MYCBP2: variants seen among roughly 807,000 people sequenced by gnomAD.
The protein encoded by MYCBP2 is MYC binding protein 2.
In MYCBP2, 120 loss-of-function variants were observed where a neutral mutation model predicts 525.3. The ratio of observed to expected loss-of-function variants is 0.23; its 90% CI spans 0.20 to 0.27. MYCBP2 has a LOEUF of 0.27. MYCBP2 is among the 10% of genes least tolerant of loss of function. The probability of loss-of-function intolerance (pLI) is 1.00; values close to 1 mark genes in which losing one functional copy is unlikely to be tolerated. For missense variants in MYCBP2, 4,149 were observed against 5,657.1 expected (o/e 0.73, Z 8.55); for synonymous variants, 1,894 against 1,955.8 (o/e 0.97, Z 0.83).
intron 3 of MYCBP2, among the ~76,000 whole-genome samples, chr13:77,287,788 T>C (rs1042977181): frequency 2.6e-5 from 4 of 152,150 alleles, no homozygotes; most frequent in African/African-American, 9.7e-5. Context: ...GGCTTTCTCT[T>C]GTGCCCACCT....
Position 77,095,422 on chromosome 13 carries a change from T to C in MYCBP2, c.10135A>G (p.Lys3379Glu). ...KPFQSQLPSV[K>E]EGISEDLPVK... ...GGAAGATCCTCAGAAATGCCTTCTT[T>C]TACACTGGGCAACTGAGATTGGAAT... The change falls in exon 58 of 83, where the codon AAA (lysine) becomes GAA (glutamate). Residue 3379 changes from lysine to glutamate, a missense_variant. This residue lies in a region of MYCBP2 where 509 missense variants were observed against 789.4 expected (regional missense o/e 0.64). Coordinates refer to ENST00000544440, the MANE Select transcript of MYCBP2 (RefSeq NM_015057.5). 6.2e-7 allele frequency: 1 copy of C among 1,613,566 alleles called. No individual in the cohort carries two copies.
intron 68 of MYCBP2, among the ~76,000 whole-genome samples, chr13:77,074,523 T>C (rs551943512): frequency 6.6e-6 from 1 of 152,266 alleles, no homozygotes; most frequent in East Asian, 1.9e-4. Flanking sequence ...TGAAAACACA[T>C]AATTGGTAAA....
chr13:77,050,991 G>A lies in MYCBP2; in HGVS notation c.13921+6C>T, dbSNP rs767629646. On this transcript the variant is annotated splice_donor_region_variant and intron_variant, in intron 82 of 82. Coordinates refer to ENST00000544440, the MANE Select transcript of MYCBP2 (RefSeq NM_015057.5). ...TAATCGTGATTTTAAAATATTAAAA[G>A]CATACCTGCAGGACAGTGTGGTAGT... 1.3e-6 allele frequency: 2 copies of A among 1,595,882 alleles called. No individual in the cohort carries two copies. The highest frequency in any genetic ancestry group is 1.7e-6 in the Non-Finnish European group (2 of 1,173,194).
At chr13:77,322,846 C>T (rs1401835133) in intron 1 of MYCBP2, among the ~76,000 whole-genome samples, 1 of 152,174 alleles carries the variant, frequency 6.6e-6, no homozygotes, top group Admixed American at 6.5e-5. Context: ...CCTGTCCAAC[C>T]CCTTTCCCCA....
chr13:77,324,783 T>C (rs1056861975), intron 1 of MYCBP2, among the ~76,000 whole-genome samples: 2 of 152,170 alleles, frequency 1.3e-5, no homozygotes, highest in East Asian at 1.9e-4. Context: ...ATTACACTAG[T>C]AGTAGGAAGT....
At chr13:77,076,398 G>A (rs577232728) in intron 68 of MYCBP2, among the ~76,000 whole-genome samples, 1 of 152,118 alleles carries the variant, frequency 6.6e-6, no homozygotes, top group African/African-American at 2.4e-5. Context: ...TTCATGAAGA[G>A]GATAAATCGT....
rs1276200310 is a variant in MYCBP2, at chr13:77,044,832, C to T, written c.*546G>A. 1 of 398,274 alleles carries T rather than the reference C, an allele frequency of 2.5e-6. No homozygotes were observed. The highest frequency in any genetic ancestry group is 2.1e-5 in the African/African-American group (1 of 48,500). 24.7% of individuals were successfully genotyped at this position (398,274 alleles called of 1,614,324 possible). On this transcript the variant is annotated 3_prime_UTR_variant, in exon 83 of 83. Coordinates refer to ENST00000544440, the MANE Select transcript of MYCBP2 (RefSeq NM_015057.5). Reference sequence around the variant, plus strand: ...CATTTGTAATTTAGTAATTCTTATACAGGACAAACATTGATATGTTTATAT... The same window carrying T: ...CATTTGTAATTTAGTAATTCTTATATAGGACAAACATTGATATGTTTATAT...
chr13:77,285,808 G>A (rs962533937), intron 3 of MYCBP2, among the ~76,000 whole-genome samples: 3 of 148,650 alleles, frequency 2.0e-5, no homozygotes, highest in Non-Finnish European at 3.0e-5. Flanking sequence ...GAAAGGGAAA[G>A]GCAAAGGAAA....
At chr13:77,321,331 CCTTAA>C (rs1343068930) in intron 1 of MYCBP2, among the ~76,000 whole-genome samples, 1 of 152,096 alleles carries the variant, frequency 6.6e-6, no homozygotes, top group Non-Finnish European at 1.5e-5. Flanking sequence ...GCAGTTTTTG[CCTTAA>C]CTTGTGTTTA....
At chr13:77,273,972 T>C (rs779845601) in intron 4 of MYCBP2, among the ~76,000 whole-genome samples, 1 of 152,208 alleles carries the variant, frequency 6.6e-6, no homozygotes, top group Non-Finnish European at 1.5e-5. Flanking sequence ...TATCAAGTAA[T>C]AGACTACTTG....
chr13:77,117,217 T>G (rs1425215191), intron 55 of MYCBP2, among the ~76,000 whole-genome samples: 1 of 152,202 alleles, frequency 6.6e-6, no homozygotes, highest in African/African-American at 2.4e-5. Context: ...CATGTGACAC[T>G]ATTTTGTTTC....
chr13:77,251,013 T>C (rs1305535340), intron 15 of MYCBP2, 138 bp downstream of exon 15: 1 of 577,610 alleles, frequency 1.7e-6, no homozygotes, highest in South Asian at 2.7e-5. Flanking sequence ...TAATACTTTC[T>C]TGGCCTTTTG....
chr13:77,164,231 T>C (rs1459146973), intron 43 of MYCBP2, among the ~76,000 whole-genome samples: 1 of 152,164 alleles, frequency 6.6e-6, no homozygotes, highest in Non-Finnish European at 1.5e-5. Context: ...AAAGCATGTA[T>C]ATGCATAAAA....
chr13:77,085,274 T>C (rs1175219354), intron 62 of MYCBP2, among the ~76,000 whole-genome samples: 2 of 152,162 alleles, frequency 1.3e-5, no homozygotes, highest in African/African-American at 4.8e-5. Context: ...CTAATTCTTA[T>C]ATACTAGCAA....
At chr13:77,246,281 C>G (rs1337968533) in intron 15 of MYCBP2, among the ~76,000 whole-genome samples, 2 of 152,094 alleles carry the variant, frequency 1.3e-5, no homozygotes, top group African/African-American at 2.4e-5. Flanking sequence ...TTTGGAAGAT[C>G]ACTTACTACA....
At chr13:77,217,986 A>G in intron 20 of MYCBP2, 29 bp from the exon 21 acceptor site, 1 of 1,442,280 alleles carries the variant, frequency 6.9e-7, no homozygotes, top group Non-Finnish European at 9.5e-7. Flanking sequence ...AAGTAAGTCA[A>G]TTTCTTACAA....
At position 77,211,128 on chromosome 13, in the gene MYCBP2, T is replaced by C. The variant is rs377452207; in HGVS notation, c.3416+39A>G. The C allele has an allele frequency of 2.3e-5, 32 of 1,382,068 alleles. No homozygotes were observed. In the African/African-American group the frequency reaches 4.6e-4, roughly 20 times the overall value. 85.6% of individuals were successfully genotyped at this position (1,382,068 alleles called of 1,614,324 possible). ...ATATTACCATAAGAGTATAACTGCA[T>C]CAAAACTTATTGACTATTTTATAAA... On this transcript the variant is annotated intron_variant, in intron 23 of 82. Coordinates refer to ENST00000544440, the MANE Select transcript of MYCBP2 (RefSeq NM_015057.5).
Position 77,292,977 on chromosome 13 carries a change from A to AG in MYCBP2, c.378+3621dup, listed in dbSNP as rs2077656904. On this transcript the variant is annotated intron_variant, in intron 2 of 82. Coordinates refer to ENST00000544440, the MANE Select transcript of MYCBP2 (RefSeq NM_015057.5). ...CCGTCTCAAAAAAAAAAAAAAAAAA[A>AG]GAAAGAAAAAAAAAGAAAACCCCTG... 6.0e-5 allele frequency among the ~76,000 whole-genome samples: 9 copies of AG among 149,240 alleles called. No individual in the cohort carries two copies. The Admixed American group carries it at 6.0e-4, about 10-fold the overall frequency.
intron 26 of MYCBP2, 118 bp downstream of exon 26, chr13:77,205,138 A>T: frequency 1.1e-6 from 1 of 913,004 alleles, no homozygotes; most frequent in Non-Finnish European, 1.5e-6. Context: ...AGAAGCATTA[A>T]AAACAAAATA....
Sources: gnomAD v4.1 joint callset for allele counts (sites outside exome capture counted in the v4.1 genomes callset) on GRCh38, gnomAD v4.1.1 for gene constraint, gnomAD v4.1.1 regional missense constraint, MANE v1.5 for transcripts, NCBI Gene and HGNC (gene_info 2026-07-23, HGNC 2026-07-21) for gene names.